MIPOL1: variants seen among roughly 807,000 people sequenced by gnomAD.
MIPOL1 encodes mirror-image polydactyly gene 1 protein.
In MIPOL1, 57 loss-of-function variants were observed where a neutral mutation model predicts 60.9. That is an observed-to-expected ratio of 0.94 (90% CI 0.76 to 1.17). The LOEUF (loss-of-function observed/expected upper bound fraction) is 1.17. MIPOL1 is among the 50% of genes most tolerant of loss of function. The probability of loss-of-function intolerance (pLI) is 0.00; values close to 1 mark genes in which losing one functional copy is unlikely to be tolerated. For missense variants in MIPOL1, 551 were observed against 511.6 expected (o/e 1.08, Z -0.74); for synonymous variants, 179 against 168.8 (o/e 1.06, Z -0.47).
intron 10 of MIPOL1, among the ~76,000 whole-genome samples, chr14:37,384,420 G>T (rs1447530613): frequency 6.6e-6 from 1 of 151,702 alleles, no homozygotes. Flanking sequence ...TTGTCATTCA[G>T]TTTTATTTTT....
intron 12 of MIPOL1, chr14:37,502,086 G>A (rs977258429): frequency 2.6e-5 from 4 of 152,278 alleles, no homozygotes; most frequent in African/African-American, 9.6e-5. Flanking sequence ...TAAACAGAGT[G>A]GCTGGGCAGC....
chr14:37,213,834 G>A (rs1967112442), intron 1 of MIPOL1, among the ~76,000 whole-genome samples: 1 of 152,138 alleles, frequency 6.6e-6, no homozygotes, highest in Admixed American at 6.5e-5. Flanking sequence ...CAAGAGAATA[G>A]AAATAACATA....
intron 11 of MIPOL1, among the ~76,000 whole-genome samples, chr14:37,444,637 T>C (rs1224850456): frequency 2.0e-5 from 3 of 152,158 alleles, no homozygotes; most frequent in Non-Finnish European, 2.9e-5. Context: ...GTCACAGATA[T>C]CAAGACACTG....
intron 11 of MIPOL1, among the ~76,000 whole-genome samples, chr14:37,467,520 T>A (rs948119559): frequency 6.6e-6 from 1 of 152,124 alleles, no homozygotes; most frequent in African/African-American, 2.4e-5. Flanking sequence ...TAAGTTGTGG[T>A]GAAGTGATTT....
intron 11 of MIPOL1, among the ~76,000 whole-genome samples, chr14:37,480,306 C>G (rs1488669832): frequency 6.6e-6 from 1 of 152,058 alleles, no homozygotes; most frequent in Non-Finnish European, 1.5e-5. Context: ...AAATTCTCAA[C>G]AAAATGCTAT....
rs115468094 is a variant in MIPOL1 at position 37,220,763 on chromosome 14, C to T, written c.-199+22659C>T. On this transcript the variant is annotated intron_variant, in intron 1 of 12. Coordinates refer to ENST00000684589, the MANE Select transcript of MIPOL1 (RefSeq NM_001388067.1). ...CATCTTATTTTAAATTAAAATCTAC[C>T]TACATGTCTCTATTTGTTTATTTGC... Among the ~76,000 whole-genome samples, 376 of 152,068 alleles carry T rather than the reference C, an allele frequency of 2.5e-3. 1 individual carries two copies. Among genetic ancestry groups the T allele is most frequent in the African/African-American group, 8.9e-3 (369 of 41,486 alleles).
chr14:37,309,693 T>C (rs2087127000), intron 9 of MIPOL1, among the ~76,000 whole-genome samples: 1 of 151,882 alleles, frequency 6.6e-6, no homozygotes, highest in Non-Finnish European at 1.5e-5. Flanking sequence ...CCAGCATTTT[T>C]TTTTTTTTTT....
At chr14:37,315,394 G>A (rs1300920656) in intron 9 of MIPOL1, among the ~76,000 whole-genome samples, 1 of 152,182 alleles carries the variant, frequency 6.6e-6, no homozygotes, top group Non-Finnish European at 1.5e-5. Flanking sequence ...TGATCTTGGA[G>A]GTAATGGTCA....
chr14:37,425,553 G>A (rs2093947155), intron 11 of MIPOL1, among the ~76,000 whole-genome samples: 1 of 152,112 alleles, frequency 6.6e-6, no homozygotes, highest in African/African-American at 2.4e-5. Flanking sequence ...GACATGTGTG[G>A]TCGTGTATAA....
chr14:37,310,498 A>G (rs970147280), intron 9 of MIPOL1, among the ~76,000 whole-genome samples: 1 of 151,974 alleles, frequency 6.6e-6, no homozygotes, highest in South Asian at 2.1e-4. Flanking sequence ...TGCCTTTTCT[A>G]CTTTACTTTT....
chr14:37,499,449 A>G (rs1028997228), intron 11 of MIPOL1, among the ~76,000 whole-genome samples: 3 of 152,180 alleles, frequency 2.0e-5, no homozygotes, highest in Non-Finnish European at 4.4e-5. Context: ...AGAAAATGCT[A>G]TGTAGAAGGC....
chr14:37,280,639 C>G (rs911370625), intron 6 of MIPOL1, among the ~76,000 whole-genome samples: 2 of 151,898 alleles, frequency 1.3e-5, no homozygotes, highest in African/African-American at 4.8e-5. Flanking sequence ...TTGTTAGGTT[C>G]TTTGCCCATT....
intron 10 of MIPOL1, among the ~76,000 whole-genome samples, chr14:37,418,352 G>C (rs1196740341): frequency 6.6e-6 from 1 of 152,088 alleles, no homozygotes; most frequent in East Asian, 1.9e-4. Flanking sequence ...TTCTGATACA[G>C]TCCCAACACA....
rs573102812 is a variant in MIPOL1 at position 37,320,092 on chromosome 14, A to G, written c.828+11573A>G. On this transcript the variant is annotated intron_variant, in intron 9 of 12. Coordinates refer to ENST00000684589, the MANE Select transcript of MIPOL1 (RefSeq NM_001388067.1). ...GAAATTTAGATTGTTTTCATTTTTAACCTATTATGCATGAAGTATTATAGA... is the reference window on the plus strand; with the variant it reads ...GAAATTTAGATTGTTTTCATTTTTAGCCTATTATGCATGAAGTATTATAGA... Among the ~76,000 whole-genome samples the G allele has an allele frequency of 2.0e-3, 299 of 152,214 alleles. 2 individuals are homozygous for G. The highest frequency in any genetic ancestry group is 6.3e-3 in the African/African-American group (262 of 41,558).
At chr14:37,299,909 G>A (rs971333050) in intron 7 of MIPOL1, among the ~76,000 whole-genome samples, 1 of 151,884 alleles carries the variant, frequency 6.6e-6, no homozygotes, top group Non-Finnish European at 1.5e-5. Context: ...CTTTTCTTGT[G>A]TTTTAAGACC....
intron 9 of MIPOL1, among the ~76,000 whole-genome samples, chr14:37,330,584 A>G (rs1401334284): frequency 2.0e-5 from 3 of 152,116 alleles, no homozygotes; most frequent in Non-Finnish European, 1.5e-5. Context: ...CTCTTGTTAA[A>G]CCCAATGGCT....
intron 6 of MIPOL1, among the ~76,000 whole-genome samples, chr14:37,281,506 G>C (rs1297827483): frequency 6.6e-6 from 1 of 152,192 alleles, no homozygotes; most frequent in Admixed American, 6.6e-5. Context: ...CCAGGTTCAA[G>C]TGATTTTCCT....
intron 9 of MIPOL1, among the ~76,000 whole-genome samples, chr14:37,314,017 C>T (rs963654690): frequency 3.9e-5 from 6 of 152,124 alleles, no homozygotes; most frequent in Non-Finnish European, 8.8e-5. Context: ...TTTCTGAACA[C>T]TATATGGAGA....
chr14:37,237,404 A>G (rs1216479588), intron 1 of MIPOL1, among the ~76,000 whole-genome samples: 2 of 152,122 alleles, frequency 1.3e-5, no homozygotes, highest in Non-Finnish European at 2.9e-5. Context: ...ATACTGTGCT[A>G]TCATTTTGAA....
Sources: gnomAD v4.1 joint callset for allele counts (sites outside exome capture counted in the v4.1 genomes callset) on GRCh38, gnomAD v4.1.1 for gene constraint, MANE v1.5 for transcripts, NCBI Gene and HGNC (gene_info 2026-07-23, HGNC 2026-07-21) for gene names.